The following CAMK4 variants were observed in gnomAD, a reference collection of about 807,000 sequenced individuals.
CAMK4 encodes the protein calcium/calmodulin dependent protein kinase IV.
A neutral mutation model predicts 44.9 loss-of-function variants in CAMK4; 22 were observed. The ratio of observed to expected loss-of-function variants is 0.49; its 90% CI spans 0.35 to 0.70. The LOEUF (loss-of-function observed/expected upper bound fraction) is 0.70, where lower values mean the gene tolerates loss of function less well. Ranked by LOEUF, CAMK4 falls within the 30% of genes least tolerant of loss-of-function variation. CAMK4 has a pLI of 0.01. For synonymous variants in CAMK4, 218 were observed against 215.4 expected, an observed-to-expected ratio of 1.01 and a Z score of -0.11; for missense variants, 498 against 586.8, an observed-to-expected ratio of 0.85 and a Z score of 1.56.
chr5:111,438,238 A>G (rs1417524885), intron 5 of CAMK4, among the ~76,000 whole-genome samples: 1 of 152,224 alleles, frequency 6.6e-6, no homozygotes, highest in African/African-American at 2.4e-5. Flanking sequence ...TGAAAATGAG[A>G]CAAGGCAGTT....
intron 5 of CAMK4, among the ~76,000 whole-genome samples, chr5:111,420,347 A>G (rs1208468897): frequency 5.3e-5 from 8 of 152,130 alleles, no homozygotes; most frequent in East Asian, 1.9e-4. Flanking sequence ...GGGGTGAGAC[A>G]ATGGGGTTTT....
intron 7 of CAMK4, among the ~76,000 whole-genome samples, chr5:111,451,735 AC>A (rs1754244973): frequency 6.6e-6 from 1 of 152,042 alleles, no homozygotes; most frequent in Non-Finnish European, 1.5e-5. Context: ...GAAAAAAAAA[AC>A]AACAACAAAA....
intron 1 of CAMK4, among the ~76,000 whole-genome samples, chr5:111,293,961 A>G (rs2112631212): frequency 6.6e-6 from 1 of 150,936 alleles, no homozygotes; most frequent in South Asian, 2.1e-4. Context: ...GTTAGCCAGG[A>G]TGGTCTCGAT....
At chr5:111,374,614 A>C (rs565118567) in intron 2 of CAMK4, among the ~76,000 whole-genome samples, 2 of 152,246 alleles carry the variant, frequency 1.3e-5, no homozygotes, top group Non-Finnish European at 2.9e-5. Flanking sequence ...GGAAGATGCC[A>C]TGTTAGGAGT....
At chr5:111,426,808 CAGT>C (rs1753243774) in intron 5 of CAMK4, among the ~76,000 whole-genome samples, 1 of 152,186 alleles carries the variant, frequency 6.6e-6, no homozygotes, top group South Asian at 2.1e-4. Flanking sequence ...ACACTTAAAC[CAGT>C]CCTAGTCAGA....
intron 1 of CAMK4, among the ~76,000 whole-genome samples, chr5:111,278,486 C>T (rs1200644718): frequency 3.3e-5 from 5 of 152,102 alleles, no homozygotes; most frequent in African/African-American, 1.2e-4. Context: ...AACATATATA[C>T]TACATTATAT....
At chr5:111,439,244 T>G (rs1337062813) in intron 5 of CAMK4, among the ~76,000 whole-genome samples, 2 of 152,178 alleles carry the variant, frequency 1.3e-5, no homozygotes, top group Non-Finnish European at 1.5e-5. Flanking sequence ...TATCTAGATC[T>G]TTCTACTCTT....
intron 5 of CAMK4, among the ~76,000 whole-genome samples, chr5:111,437,241 ACAG>A (rs1307595499): frequency 1.3e-5 from 2 of 152,236 alleles, no homozygotes. Flanking sequence ...CGATGTAAGC[ACAG>A]CATTTTCTAT....
chr5:111,384,243 T>A (rs1751517743), intron 4 of CAMK4, among the ~76,000 whole-genome samples: 1 of 152,160 alleles, frequency 6.6e-6, no homozygotes, highest in South Asian at 2.1e-4. Flanking sequence ...ATTTGGAGAC[T>A]CTGGTCTCTG....
In CAMK4 at chr5:111,315,400, G is replaced by T. The variant is rs79184438; in HGVS notation, c.162-28624G>T. Among the ~76,000 whole-genome samples the T allele has an allele frequency of 3.7e-3, 559 of 152,152 alleles. 3 individuals are homozygous for T. Among genetic ancestry groups the T allele is most frequent in the African/African-American group, 0.013 (549 of 41,520 alleles). The stretch of plus-strand genomic sequence containing the variant: ...TAGGTGGTGCACAGAACATAGAAAA[G>T]CTCATTTATTAATGATTTCTTGTCT... On this transcript the variant is annotated intron_variant, in intron 1 of 10. Transcript: ENST00000282356.
rs114165764 is a variant in CAMK4 at position 111,365,429 on chromosome 5, T to C, written c.241-9421T>C. ...AGAGGCAAGAATGTTGAATGAACCA[T>C]CCATGTGAAAGTTGAAGTTGTTAAG... On this transcript the variant is annotated intron_variant, in intron 2 of 10. Transcript: ENST00000282356. Among the ~76,000 whole-genome samples, 1,267 of 152,158 alleles carry C rather than the reference T, an allele frequency of 8.3e-3. 13 individuals carry two copies. Among genetic ancestry groups the C allele is most frequent in the African/African-American group, 0.028 (1,178 of 41,542 alleles).
At chr5:111,401,357 G>A (rs922583162) in intron 5 of CAMK4, among the ~76,000 whole-genome samples, 3 of 152,094 alleles carry the variant, frequency 2.0e-5, no homozygotes, top group Admixed American at 6.6e-5. Context: ...CAGGCTGTCA[G>A]TACTGCATTT....
chr5:111,417,205 C>T (rs183933254), intron 5 of CAMK4, among the ~76,000 whole-genome samples: 582 of 149,736 alleles, frequency 3.9e-3, no homozygotes, highest in Admixed American at 7.5e-3. Context: ...AGACTATAGG[C>T]ATGTGCCATC....
In CAMK4 at chr5:111,224,723, G is replaced by A; in HGVS notation, c.161+79G>A. 7.3e-7 allele frequency: 1 copy of A among 1,377,718 alleles called. No homozygotes were observed. Among genetic ancestry groups the A allele is most frequent in the Non-Finnish European group, 9.9e-7 (1 of 1,006,754 alleles). 85.3% of individuals were successfully genotyped at this position (1,377,718 alleles called of 1,614,324 possible). On this transcript the variant is annotated intron_variant, in intron 1 of 10. Transcript: ENST00000282356. This position sits in a 1 kb window ranked among gnomAD's most constrained non-coding sequence, Gnocchi z 5.7. ...CTCTCGCAGCGACGGCTCGGAGGGTGCGGGAGCCTGCCTTCGTGCCCTTCG... is the reference window on the plus strand; with the variant it reads ...CTCTCGCAGCGACGGCTCGGAGGGTACGGGAGCCTGCCTTCGTGCCCTTCG...
At chr5:111,432,828 C>G (rs960100971) in intron 5 of CAMK4, among the ~76,000 whole-genome samples, 1 of 151,986 alleles carries the variant, frequency 6.6e-6, no homozygotes, top group African/African-American at 2.4e-5. Context: ...CATTCATTCA[C>G]TCCTTTCATA....
chr5:111,316,246 C>T (rs552956516), intron 1 of CAMK4, among the ~76,000 whole-genome samples: 20 of 152,220 alleles, frequency 1.3e-4, no homozygotes, highest in Admixed American at 1.2e-3. Context: ...TCGCCAGTCC[C>T]CTAGGGAGGA....
chr5:111,300,888 GA>G (rs1032832534), intron 1 of CAMK4, among the ~76,000 whole-genome samples: 7 of 152,104 alleles, frequency 4.6e-5, no homozygotes, highest in African/African-American at 1.7e-4. Context: ...TTAATTTTGG[GA>G]AAAAACTTGA....
chr5:111,330,414 A>C (rs1398287806), intron 1 of CAMK4, among the ~76,000 whole-genome samples: 1 of 151,714 alleles, frequency 6.6e-6, no homozygotes, highest in Non-Finnish European at 1.5e-5. Flanking sequence ...AGTTCTCTCC[A>C]AATTGATCTA....
intron 2 of CAMK4, among the ~76,000 whole-genome samples, chr5:111,372,172 CTG>C (rs952416185): frequency 2.3e-4 from 35 of 152,102 alleles, no homozygotes; most frequent in Admixed American, 6.6e-5. Context: ...ATGGAAGAAA[CTG>C]AGAGAGTAAT....
Sources: allele counts gnomAD v4.1 joint callset (sites outside exome capture counted in the v4.1 genomes callset), GRCh38; gene constraint gnomAD v4.1.1; non-coding constraint Gnocchi (gnomAD v3.1); transcripts MANE v1.5; gene names NCBI Gene and HGNC (gene_info 2026-07-23, HGNC 2026-07-21).